TRPA1: variants seen among roughly 807,000 people sequenced by gnomAD.
The protein encoded by TRPA1 is ankyrin-like with transmembrane domains 1.
In TRPA1, 129 loss-of-function variants were observed where a neutral mutation model predicts 131.3. The observed-to-expected ratio is 0.98, with a 90% CI of 0.85 to 1.14. The LOEUF (loss-of-function observed/expected upper bound fraction) is 1.14, where lower values mean the gene tolerates loss of function less well. Among genes scored for constraint, TRPA1 ranks in the 50% most tolerant of loss-of-function variants. The pLI is 0.00. For missense variants in TRPA1, 1,304 were observed against 1,354.2 expected (o/e 0.96, Z 0.58); for synonymous variants, 441 against 451.7 (o/e 0.98, Z 0.30).
chr8:72,087,529 C>A, the TRPA1 span, among the ~76,000 whole-genome samples: 3 of 151,870 alleles, frequency 2.0e-5, no homozygotes, highest in Admixed American at 1.3e-4. Context: ...TTAAGCTTAT[C>A]ATTCACATTT....
At position 72,055,511 on chromosome 8, in the gene TRPA1, G is replaced by C. The variant is rs1193027097; in HGVS notation, c.1454C>G (p.Pro485Arg). 2 of 1,613,318 alleles carry C rather than the reference G, an allele frequency of 1.2e-6. No homozygotes were observed. Among genetic ancestry groups the C allele is most frequent in the Non-Finnish European group, 8.5e-7 (1 of 1,179,454 alleles). Residue 485 changes from proline (P) to arginine (R), a missense_variant, in exon 12 of 27, where the codon CCT (proline) becomes CGT (arginine). Transcript: ENST00000262209. ...TCCATTCTTTGCTGCCAGATGGAGAGGAGTCATTCCATGAAGGTCACCTTC... is the reference window on the plus strand; with the variant it reads ...TCCATTCTTTGCTGCCAGATGGAGACGAGTCATTCCATGAAGGTCACCTTC... ...LNEGDLHGMT[P>R]LHLAAKNGHD...
intron 20 of TRPA1, among the ~76,000 whole-genome samples, chr8:72,037,096 T>C (rs1812076732): frequency 6.6e-6 from 1 of 152,148 alleles, no homozygotes; most frequent in African/African-American, 2.4e-5. Flanking sequence ...TTAAGTAATG[T>C]GCCTTAAATC....
intron 23 of TRPA1, 98 bp downstream of exon 23, chr8:72,033,546 C>T (rs1811912576): frequency 3.5e-6 from 4 of 1,155,932 alleles, no homozygotes; most frequent in Non-Finnish European, 1.2e-6. Flanking sequence ...CCTTCCTGAT[C>T]TCCCCAGTGG....
intron 20 of TRPA1, 110 bp from the exon 21 acceptor site, chr8:72,036,567 GAGA>G (rs755394708): frequency 1.9e-6 from 2 of 1,051,152 alleles, no homozygotes; most frequent in Non-Finnish European, 2.8e-6. Context: ...GCCAGCTGGG[GAGA>G]AGTTTAGGAC....
In TRPA1 at chr8:72,069,176, A is replaced by G. The variant is rs1424145594; in HGVS notation, c.291T>C (p.Tyr97=). The change falls in exon 3 of 27, where the codon TAT becomes TAC. Residue 97 remains tyrosine, a synonymous_variant. Coordinates refer to ENST00000262209, the MANE Select transcript of TRPA1 (RefSeq NM_007332.3). Reference sequence around the variant, plus strand: ...CAGCACAATGCAGAGGGGTATTTCCATAATCATCCATTTCATGCAGCACTA... The same window carrying G: ...CAGCACAATGCAGAGGGGTATTTCCGTAATCATCCATTTCATGCAGCACTA... ...SLEVLHEMDD[Y]GNTPLHCAVE... The G allele has an allele frequency of 6.2e-7, 1 of 1,614,124 alleles. No homozygotes were observed.
At chr8:72,030,954 G>C (rs954970141) in intron 23 of TRPA1, among the ~76,000 whole-genome samples, 1 of 152,142 alleles carries the variant, frequency 6.6e-6, no homozygotes, top group Non-Finnish European at 1.5e-5. Context: ...TGCCTTTGCT[G>C]AGCCAGCATC....
chr8:72,054,048 A>G (rs1032519167), intron 12 of TRPA1, 181 bp from the exon 13 acceptor site: 10 of 611,892 alleles, frequency 1.6e-5, no homozygotes, highest in African/African-American at 7.4e-5. Context: ...ATGATCTTAA[A>G]TGACCTATTT....
Position 72,034,290 on chromosome 8 carries a change from A to G in TRPA1, c.2643T>C (p.Leu881=), listed in dbSNP as rs1811949634. 3.7e-6 allele frequency: 6 copies of G among 1,608,434 alleles called. No individual in the cohort carries two copies. The highest frequency in any genetic ancestry group is 5.1e-6 in the Non-Finnish European group (6 of 1,177,674). The change falls in exon 22 of 27, where the codon CTT becomes CTC. Residue 881 remains leucine (L), a synonymous_variant. Coordinates refer to ENST00000262209, the MANE Select transcript of TRPA1 (RefSeq NM_007332.3). The part of the protein sequence containing the change: ...LRSTVVFIFL[L]LAFGLSFYIL... ...TGTAAAAGCTGAGTCCAAAAGCCAG[A>G]AGAAGGAAGATAAATACAACTGTAG...
At position 72,071,702 on chromosome 8, in the gene TRPA1, T is replaced by C. The variant is rs1431920780; in HGVS notation, c.268+9A>G. On this transcript the variant is annotated intron_variant, in intron 2 of 26. Coordinates refer to ENST00000262209, the MANE Select transcript of TRPA1 (RefSeq NM_007332.3). ...GATTTCTGGAAGATGAATTGTAATA[T>C]TTTGTTACCTTCCAAAGAGGAATCT... 1.9e-6 allele frequency: 3 copies of C among 1,613,348 alleles called. No homozygotes were observed. The highest frequency in any genetic ancestry group is 2.2e-5 in the East Asian group (1 of 44,836).
chr8:72,086,273 A>G, the TRPA1 span, among the ~76,000 whole-genome samples: 2 of 152,340 alleles, frequency 1.3e-5, no homozygotes, highest in East Asian at 1.9e-4. Flanking sequence ...ATTTTTATCA[A>G]ACTCAAGAGT....
At chr8:72,028,958 T>C (rs1372742218) in intron 24 of TRPA1, among the ~76,000 whole-genome samples, 2 of 152,238 alleles carry the variant, frequency 1.3e-5, no homozygotes, top group Admixed American at 6.5e-5. Context: ...TGAATGCGTA[T>C]AGTCAACTGG....
At chr8:72,079,795 T>C (rs2129437392), upstream of TRPA1, among the ~76,000 whole-genome samples, 1 of 152,072 alleles carries the variant, frequency 6.6e-6, no homozygotes, top group African/African-American at 2.4e-5. Context: ...TCCATAAACA[T>C]GGTATATTTT....
chr8:72,047,296 A>C, intron 15 of TRPA1, 89 bp from the exon 16 acceptor site: 1 of 962,518 alleles, frequency 1.0e-6, no homozygotes, highest in Admixed American at 1.8e-5. Flanking sequence ...AATACACAAG[A>C]CATTCCCTTT....
Position 72,065,519 on chromosome 8 carries a change from C to T in TRPA1, c.484G>A (p.Gly162Arg). 1.2e-6 allele frequency: 2 copies of T among 1,613,440 alleles called. No homozygotes were observed. Among genetic ancestry groups the T allele is most frequent in the African/African-American group, 1.3e-5 (1 of 74,958 alleles). ...ATCACAGCTGTGTTTCCATTTTCTC[C>T]TTCCAAATTAACATCAATAGTTCTA... The part of the protein sequence containing the change: ...EHRTIDVNLE[G>R]ENGNTAVIIA... Residue 162 changes from glycine (G) to arginine (R), a missense_variant, in exon 4 of 27, where the codon GGA (glycine) becomes AGA (arginine). By Grantham distance (125) the Gly-to-Arg change is moderately radical. Transcript: ENST00000262209.
the TRPA1 span, among the ~76,000 whole-genome samples, chr8:72,081,816 T>C: frequency 2.6e-5 from 4 of 151,892 alleles, no homozygotes; most frequent in African/African-American, 7.2e-5. Flanking sequence ...AGATCACTTA[T>C]GCTTACCATT....
intron 17 of TRPA1, among the ~76,000 whole-genome samples, chr8:72,045,276 T>C (rs1022493387): frequency 2.0e-5 from 3 of 151,886 alleles, no homozygotes; most frequent in Non-Finnish European, 2.9e-5. Context: ...TAGGTTTAAC[T>C]TGGGTGACGG....
rs1812187206 is a variant in TRPA1, at chr8:72,039,801, A to C, written c.2062-4T>G. The C allele has an allele frequency of 1.3e-6, 2 of 1,596,206 alleles. No individual in the cohort carries two copies. Among genetic ancestry groups the C allele is most frequent in the Non-Finnish European group, 1.7e-6 (2 of 1,164,908 alleles). ...TGCGGTTATTTTGTACCATTGCCTG[A>C]GAAATAAAAAAAAGTGTAATAAAAA... is the stretch of plus-strand genomic sequence containing the variant. On this transcript the variant is annotated splice_region_variant and splice_polypyrimidine_tract_variant and intron_variant, in intron 17 of 26. Coordinates refer to ENST00000262209, the MANE Select transcript of TRPA1 (RefSeq NM_007332.3).
rs1811446047 is a variant in TRPA1 at position 72,022,873 on chromosome 8, C to G, written c.*33G>C. 6.3e-7 allele frequency: 1 copy of G among 1,592,196 alleles called. No individual in the cohort carries two copies. The highest frequency in any genetic ancestry group is 2.2e-5 in the East Asian group (1 of 44,744). On this transcript the variant is annotated 3_prime_UTR_variant, in exon 27 of 27. Transcript: ENST00000262209. ...AGTTAGAACCAGCAAGTCATGCACC[C>G]CCCATTAGAAGCCTCACTGAAGGTC...
intron 15 of TRPA1, among the ~76,000 whole-genome samples, chr8:72,048,505 A>C (rs1245840166): frequency 6.6e-6 from 1 of 152,128 alleles, no homozygotes; most frequent in Non-Finnish European, 1.5e-5. Context: ...ATGAAAAATA[A>C]AGACAAGACT....
Sources: gnomAD v4.1 joint callset for allele counts (sites outside exome capture counted in the v4.1 genomes callset) on GRCh38, gnomAD v4.1.1 for gene constraint, MANE v1.5 for transcripts, NCBI Gene and HGNC (gene_info 2026-07-23, HGNC 2026-07-21) for gene names.